ZNF398: variants seen among roughly 807,000 people sequenced by gnomAD.
The protein encoded by ZNF398 is zinc finger protein 398.
A neutral mutation model predicts 41.9 loss-of-function variants in ZNF398; 18 were observed. The observed-to-expected ratio is 0.43, with a 90% confidence interval of 0.30 to 0.64. ZNF398 has a LOEUF of 0.64. Ranked by LOEUF, ZNF398 falls within the 30% of genes least tolerant of loss-of-function variation. ZNF398 has a pLI of 0.14. For synonymous variants in ZNF398, 260 were observed against 308.8 expected, an observed-to-expected ratio of 0.84 and a Z score of 1.66; for missense variants, 669 against 822.8, an observed-to-expected ratio of 0.81 and a Z score of 2.29.
At chr7:149,176,443 AT>A (rs34010643) in intron 4 of ZNF398, 24 bp from the exon 5 acceptor site, 198 of 1,499,964 alleles carry the variant, frequency 1.3e-4, no homozygotes, top group Non-Finnish European at 1.6e-4. Context: ...CATGAAGGCC[AT>A]TTTTTTTTCC....
rs765494679 is a variant in ZNF398, at chr7:149,178,945, T to C, written c.1073T>C (p.Leu358Pro). The change falls in exon 6 of 6, where the codon CTG becomes CCG. Residue 358 changes from leucine (L) to proline (P), a missense_variant. Leu to Pro is a moderately conservative substitution (Grantham distance 98). Coordinates refer to ENST00000475153, the MANE Select transcript of ZNF398 (RefSeq NM_170686.3). ...AAGAATCTCAGCCAAGACATGTTGC[T>C]GACCCACCAATGTAGCCATGCTACT... ...CGKNLSQDML[L>P]THQCSHATEH... 1.2e-6 allele frequency: 2 copies of C among 1,614,180 alleles called. No individual in the cohort carries two copies. The highest frequency in any genetic ancestry group is 1.7e-6 in the Non-Finnish European group (2 of 1,180,030).
intron 4 of ZNF398, 72 bp downstream of exon 4, chr7:149,167,002 G>C (rs2129521185): frequency 1.0e-6 from 1 of 991,840 alleles, no homozygotes; most frequent in Non-Finnish European, 1.5e-6. Flanking sequence ...GAGCTAAGCA[G>C]GGCTTAGGGG....
intron 4 of ZNF398, among the ~76,000 whole-genome samples, chr7:149,173,707 G>A (rs1202460): frequency 0.86 from 130,627 of 151,576 alleles, 56,429 homozygotes; most frequent in Middle Eastern, 0.96. Context: ...TCTGTAAACC[G>A]TGCTGTAACA....
At chr7:149,155,835 T>TCCTG (rs1794965287) in intron 2 of ZNF398, among the ~76,000 whole-genome samples, 2 of 150,792 alleles carry the variant, frequency 1.3e-5, no homozygotes, top group Admixed American at 1.3e-4. Context: ...CACGCCATTC[T>TCCTG]CCTGCCTCAG....
intron 2 of ZNF398, among the ~76,000 whole-genome samples, chr7:149,164,891 C>G (rs1239403947): frequency 6.6e-6 from 1 of 151,974 alleles, no homozygotes; most frequent in Non-Finnish European, 1.5e-5. Context: ...GTCAGGAACT[C>G]GAGACCAGCC....
chr7:149,149,265 ACT>A (rs758396855), intron 1 of ZNF398, among the ~76,000 whole-genome samples: 82 of 152,098 alleles, frequency 5.4e-4, no homozygotes, highest in Non-Finnish European at 1.0e-3. Flanking sequence ...GTGGAGTCTC[ACT>A]CTGTCCCTCA....
chr7:149,179,499 C>T lies in ZNF398; in HGVS notation c.1627C>T (p.His543Tyr). Reference sequence around the variant, plus strand: ...AGGCGAGCGGCCCTTCAGTTGTCCTCACTGTGGCAAGAGCTTCATCCGCAA... The same window carrying T: ...AGGCGAGCGGCCCTTCAGTTGTCCTTACTGTGGCAAGAGCTTCATCCGCAA... The part of the protein sequence containing the change: ...HTGERPFSCP[H>Y]CGKSFIRKHH... Residue 543 changes from histidine to tyrosine, a missense_variant, in exon 6 of 6, where the codon CAC becomes TAC. His to Tyr is a moderately conservative substitution (Grantham distance 83, BLOSUM62 2). Coordinates refer to ENST00000475153, the MANE Select transcript of ZNF398 (RefSeq NM_170686.3). The surrounding 1 kb of genome is among the most constrained non-coding windows in gnomAD (Gnocchi z 6.1). The T allele has an allele frequency of 6.2e-7, 1 of 1,614,202 alleles. No individual in the cohort carries two copies.
exon 1 of ZNF398, chr7:149,126,538 TGAC>T (rs1451808405): frequency 1.1e-5 from 5 of 466,578 alleles, no homozygotes; most frequent in Non-Finnish European, 1.9e-5. Context: ...ATGAGGGAGC[TGAC>T]GGGAGGGGAA....
At chr7:149,159,715 C>G (rs1387614466) in intron 2 of ZNF398, among the ~76,000 whole-genome samples, 2 of 142,664 alleles carry the variant, frequency 1.4e-5, no homozygotes, top group African/African-American at 5.1e-5. Flanking sequence ...AACTTTTCCT[C>G]AAAAAAAAAA....
intron 2 of ZNF398, among the ~76,000 whole-genome samples, chr7:149,138,234 T>G (rs1826754396): frequency 6.6e-6 from 1 of 150,786 alleles, no homozygotes; most frequent in Non-Finnish European, 1.5e-5. Flanking sequence ...AGAAAAAAAT[T>G]TAATGCTATG....
upstream of ZNF398, chr7:149,147,355 CG>C (rs1287992674): frequency 7.7e-5 from 12 of 155,410 alleles, no homozygotes; most frequent in Middle Eastern, 2.9e-3. The surrounding 1 kb of genome is among the most constrained non-coding windows in gnomAD (Gnocchi z 5.6). Flanking sequence ...GGAGGCGACG[CG>C]GGGGGCGCTG....
Position 149,179,008 on chromosome 7 carries a change from T to G in ZNF398, c.1136T>G (p.Phe379Cys). The change falls in exon 6 of 6, where the codon TTT (phenylalanine) becomes TGT (cysteine). Residue 379 changes from phenylalanine to cysteine, a missense_variant. Phe to Cys is a radical substitution (Grantham distance 205). Coordinates refer to ENST00000475153, the MANE Select transcript of ZNF398 (RefSeq NM_170686.3). This position sits in a 1 kb window ranked among gnomAD's most constrained non-coding sequence, Gnocchi z 6.1. ...PLPCAQCPKHFTPQADLSSTS... is the reference protein window; with the variant it reads ...PLPCAQCPKHCTPQADLSSTS... ...CCCTGTGCCCAGTGCCCTAAGCACT[T>G]TACTCCACAGGCGGACCTCAGCAGC... 2 of 1,613,828 alleles carry G rather than the reference T, an allele frequency of 1.2e-6. No individual in the cohort carries two copies. Among genetic ancestry groups the G allele is most frequent in the Non-Finnish European group, 1.7e-6 (2 of 1,179,966 alleles).
chr7:149,169,066 A>G (rs1464319880), intron 4 of ZNF398, among the ~76,000 whole-genome samples: 2 of 152,220 alleles, frequency 1.3e-5, no homozygotes, highest in Non-Finnish European at 2.9e-5. Context: ...AGTACAAATG[A>G]ATATATCATT....
chr7:149,132,934 T>G (rs1826628405), intron 2 of ZNF398, among the ~76,000 whole-genome samples: 1 of 152,138 alleles, frequency 6.6e-6, no homozygotes, highest in South Asian at 2.1e-4. Flanking sequence ...AAAATGATTT[T>G]GGGGCTGCTT....
At chr7:149,162,488 C>A (rs1202445) in intron 2 of ZNF398, among the ~76,000 whole-genome samples, 7,950 of 152,144 alleles carry the variant, frequency 0.052, 274 homozygotes, top group Non-Finnish European at 0.08. Context: ...GGCCCCACAG[C>A]TGGCTAATTT....
chr7:149,160,134 C>T (rs1795076111), intron 2 of ZNF398, among the ~76,000 whole-genome samples: 1 of 152,036 alleles, frequency 6.6e-6, no homozygotes, highest in Non-Finnish European at 1.5e-5. Context: ...GTGTTGGGAA[C>T]ACCAAAAAAA....
At chr7:149,127,775 T>A in intron 1 of ZNF398, among the ~76,000 whole-genome samples, 1 of 152,104 alleles carries the variant, frequency 6.6e-6, no homozygotes, top group Non-Finnish European at 1.5e-5. Context: ...TAAAGTTCTA[T>A]GAATTTTCAC....
rs566166722 is a variant in ZNF398, at chr7:149,131,018, G to A, written c.-490+2074G>A. Among the ~76,000 whole-genome samples the A allele has an allele frequency of 2.0e-5, 3 of 152,274 alleles. No individual in the cohort carries two copies. The East Asian group carries it at 5.8e-4, about 29-fold the overall frequency. On this transcript the variant is annotated intron_variant, in intron 2 of 6. Coordinates refer to the ZNF398 transcript ENST00000426851. ...TTCATTGTCCAAATTCAGTGATCCT[G>A]TGAGTTTCAACTGGTTAATACTATC... is the stretch of plus-strand genomic sequence containing the variant.
chr7:149,145,611 AC>A (rs1366426038), upstream of ZNF398, among the ~76,000 whole-genome samples: 1 of 151,970 alleles, frequency 6.6e-6, no homozygotes, highest in East Asian at 1.9e-4. Context: ...CAGTTTGAAG[AC>A]CCCCCACAGA....
Sources: allele counts gnomAD v4.1 joint callset (sites outside exome capture counted in the v4.1 genomes callset), GRCh38; gene constraint gnomAD v4.1.1; non-coding constraint Gnocchi (gnomAD v3.1); transcripts MANE v1.5; gene names NCBI Gene and HGNC (gene_info 2026-07-23, HGNC 2026-07-21).